Variants in EML6 observed in about 807,000 individuals in gnomAD.
EML6 encodes EMAP like 6.
Under a neutral mutation model 240.1 loss-of-function variants are expected in EML6, and 154 were observed. The ratio of observed to expected loss-of-function variants is 0.64; its 90% CI spans 0.56 to 0.73. The LOEUF is 0.73. Among genes scored for constraint, EML6 ranks in the 30% least tolerant of loss-of-function variants. The probability of loss-of-function intolerance (pLI) is 0.00; values close to 1 mark genes in which losing one functional copy is unlikely to be tolerated. For missense variants in EML6, 2,964 were observed against 2,474.6 expected, an observed-to-expected ratio of 1.20 and a Z score of -4.20; for synonymous variants, 1,148 against 899.0, an observed-to-expected ratio of 1.28 and a Z score of -4.95.
chr2:54,944,723 T>A (rs1343534056), intron 28 of EML6, among the ~76,000 whole-genome samples: 3 of 152,116 alleles, frequency 2.0e-5, no homozygotes, highest in Non-Finnish European at 4.4e-5. Context: ...CAGGACATCC[T>A]GCAGTTCTTC....
At chr2:54,881,752 C>G (rs1473111671) in intron 17 of EML6, 1 of 152,134 alleles carries the variant, frequency 6.6e-6, no homozygotes, top group Non-Finnish European at 1.5e-5. Flanking sequence ...TCTAAGCTCC[C>G]AAGAGGGCCT....
At chr2:54,891,222 C>G in intron 18 of EML6, 68 bp downstream of exon 18, 2 of 751,812 alleles carry the variant, frequency 2.7e-6, no homozygotes, top group South Asian at 4.3e-5. Context: ...AAAAACAAAA[C>G]AAACTGTTGC....
At position 54,914,937 on chromosome 2, in the gene EML6, G is replaced by A. The variant is rs184374315; in HGVS notation, c.3499-1822G>A. ...CACCATATTGGGAGGCAAACTCTCT[G>A]GAGCAAACCTCCCCCTTCGGCTTCC... is the stretch of plus-strand genomic sequence containing the variant. On this transcript the variant is annotated intron_variant, in intron 25 of 41. Coordinates refer to ENST00000356458, the MANE Select transcript of EML6 (RefSeq NM_001039753.4). Among the ~76,000 whole-genome samples, 257 of 152,254 alleles carry A rather than the reference G, an allele frequency of 1.7e-3. 2 individuals carry two copies. The highest frequency in any genetic ancestry group is 6.1e-3 in the African/African-American group (255 of 41,536).
intron 24 of EML6, among the ~76,000 whole-genome samples, chr2:54,909,850 CAAAAAAA>C (rs34171697): frequency 4.8e-4 from 33 of 68,516 alleles, no homozygotes; most frequent in Admixed American, 3.1e-3. Context: ...GACTCCATCT[CAAAAAAA>C]AAAAAAAAAA....
Position 54,964,060 on chromosome 2 carries a change from C to T in EML6, c.5232C>T (p.Ala1744=), listed in dbSNP as rs1156402106. Residue 1744 remains alanine, a synonymous_variant, in exon 37 of 42, where the codon GCC becomes GCT. Transcript: ENST00000356458. ...AAYSPDGEMV[A]IGMKNGEFVI... is the part of the protein sequence containing the mutation. ...ACAGCCCTGATGGGGAGATGGTGGCCATTGGCATGAAGAATGGAGAGTTTG... is the reference window on the plus strand; with the variant it reads ...ACAGCCCTGATGGGGAGATGGTGGCTATTGGCATGAAGAATGGAGAGTTTG... The T allele has an allele frequency of 1.9e-6, 3 of 1,551,596 alleles. No homozygotes were observed. Among genetic ancestry groups the T allele is most frequent in the African/African-American group, 1.4e-5 (1 of 73,042 alleles).
chr2:54,884,522 G>C (rs965834690), intron 17 of EML6, among the ~76,000 whole-genome samples: 9 of 152,176 alleles, frequency 5.9e-5, no homozygotes, highest in African/African-American at 2.2e-4. Context: ...TCTTTCTGGT[G>C]ACCCATCCTG....
intron 26 of EML6, among the ~76,000 whole-genome samples, chr2:54,922,425 G>A (rs1674306429): frequency 6.6e-6 from 1 of 152,142 alleles, no homozygotes; most frequent in South Asian, 2.1e-4. Context: ...GGGAACCCTT[G>A]TACACTGTTA....
At chr2:54,820,524 A>C (rs1034100263) in intron 5 of EML6, 62 bp downstream of exon 5, 1 of 1,001,636 alleles carries the variant, frequency 1.0e-6, no homozygotes, top group East Asian at 2.6e-5. Context: ...GTGTTTGTAT[A>C]GATAATTTGA....
chr2:54,738,205 A>C (rs1683481070), intron 2 of EML6, among the ~76,000 whole-genome samples: 1 of 152,090 alleles, frequency 6.6e-6, no homozygotes, highest in African/African-American at 2.4e-5. Flanking sequence ...CTCTGCCTAC[A>C]GTTCTCATAA....
intron 2 of EML6, among the ~76,000 whole-genome samples, chr2:54,733,480 T>C (rs1442204852): frequency 2.0e-5 from 3 of 152,178 alleles, no homozygotes; most frequent in Non-Finnish European, 2.9e-5. Context: ...ACAGGGAGTG[T>C]GGCTGGTCTC....
At chr2:54,789,387 G>C (rs561547032) in intron 2 of EML6, among the ~76,000 whole-genome samples, 2 of 151,184 alleles carry the variant, frequency 1.3e-5, no homozygotes, top group Admixed American at 1.3e-4. Context: ...GATGGCGGGC[G>C]CCTGTAGTCC....
intron 26 of EML6, among the ~76,000 whole-genome samples, chr2:54,923,367 G>GCACACA (rs113101367): frequency 0.2 from 29,385 of 143,892 alleles, 3,152 homozygotes; most frequent in Non-Finnish European, 0.23. Context: ...CTCACCAAAC[G>GCACACA]CACACACACA....
intron 5 of EML6, among the ~76,000 whole-genome samples, chr2:54,820,956 C>A (rs1254628067): frequency 6.6e-6 from 1 of 152,156 alleles, no homozygotes; most frequent in African/African-American, 2.4e-5. Context: ...TTCCTCTAGA[C>A]TACACTCTCA....
chr2:54,895,448 C>G, intron 21 of EML6, 48 bp downstream of exon 21: 3 of 1,541,502 alleles, frequency 1.9e-6, no homozygotes, highest in Non-Finnish European at 2.6e-6. Context: ...AAGGCTGGGA[C>G]TAGAGTGAGG....
chr2:54,843,671 C>T (rs1283192090), intron 7 of EML6, among the ~76,000 whole-genome samples: 10 of 151,802 alleles, frequency 6.6e-5, no homozygotes, highest in African/African-American at 7.3e-5. Flanking sequence ...GGTGAAACCC[C>T]GTCTCCACTA....
intron 2 of EML6, among the ~76,000 whole-genome samples, chr2:54,729,929 G>C (rs1179791665): frequency 6.6e-6 from 1 of 152,242 alleles, no homozygotes; most frequent in South Asian, 2.1e-4. Context: ...TGAGCTTGGG[G>C]GTTCAGGACT....
chr2:54,785,422 A>G (rs1669038124), intron 2 of EML6, among the ~76,000 whole-genome samples: 1 of 151,776 alleles, frequency 6.6e-6, no homozygotes, highest in Non-Finnish European at 1.5e-5. Context: ...TGATCCTCCC[A>G]CCTCGGCCTC....
chr2:54,898,817 C>T (rs1001131058), intron 21 of EML6, among the ~76,000 whole-genome samples: 5 of 152,118 alleles, frequency 3.3e-5, no homozygotes, highest in African/African-American at 1.2e-4. Context: ...TTTTATTGCT[C>T]TGTAGCACTA....
intron 3 of EML6, 116 bp from the exon 4 acceptor site, chr2:54,816,671 A>G: frequency 2.6e-6 from 2 of 780,364 alleles, no homozygotes; most frequent in Non-Finnish European, 4.2e-6. Flanking sequence ...GTTTTGAGAA[A>G]TCGGTTTGTT....
Sources: gnomAD v4.1 joint callset for allele counts (sites outside exome capture counted in the v4.1 genomes callset) on GRCh38, gnomAD v4.1.1 for gene constraint, MANE v1.5 for transcripts, NCBI Gene and HGNC (gene_info 2026-07-23, HGNC 2026-07-21) for gene names.